The following KICS2 variants were observed in gnomAD, a reference collection of about 807,000 sequenced individuals.
KICS2 encodes the protein KICSTOR complex protein C12orf66.
In KICS2, 13 loss-of-function variants were observed where a neutral mutation model predicts 31.4. The observed-to-expected ratio is 0.41, with a 90% CI of 0.27 to 0.66. The LOEUF (loss-of-function observed/expected upper bound fraction) is 0.66, where lower values mean the gene tolerates loss of function less well. Among genes scored for constraint, KICS2 ranks in the 30% least tolerant of loss-of-function variants. The pLI is 0.28. For missense variants in KICS2, 455 were observed against 545.4 expected, an observed-to-expected ratio of 0.83 and a Z score of 1.65; for synonymous variants, 209 against 214.8, an observed-to-expected ratio of 0.97 and a Z score of 0.24.
chr12:64,214,616 A>G (rs2037611369), intron 2 of KICS2, among the ~76,000 whole-genome samples: 1 of 152,202 alleles, frequency 6.6e-6, no homozygotes, highest in African/African-American at 2.4e-5. Flanking sequence ...ATGGTGGCTC[A>G]TACCTGTAAT....
Position 64,193,005 on chromosome 12 carries a change from A to C in KICS2, c.*837T>G, listed in dbSNP as rs1192534780. 1.0e-6 allele frequency: 1 copy of C among 985,366 alleles called. No individual in the cohort carries two copies. The highest frequency in any genetic ancestry group is 1.2e-6 in the Non-Finnish European group (1 of 829,954). 61.0% of individuals were successfully genotyped at this position (985,366 alleles called of 1,614,324 possible). On this transcript the variant is annotated 3_prime_UTR_variant, in exon 3 of 3. Coordinates refer to ENST00000398055, the MANE Select transcript of KICS2 (RefSeq NM_152440.5). ...AACCGACTGCATGCTTTTAAGCCTA[A>C]AAATAACCAAGGAGTAGAGCCAAAC...
At position 64,193,324 on chromosome 12, in the gene KICS2, G is replaced by A. The variant is rs2037399446; in HGVS notation, c.*518C>T. 1 of 985,348 alleles carries A rather than the reference G, an allele frequency of 1.0e-6. No individual in the cohort carries two copies. The highest frequency in any genetic ancestry group is 1.2e-6 in the Non-Finnish European group (1 of 830,046). The allele number at this position is 985,348 out of a possible 1,614,324, so 61.0% of individuals were successfully genotyped here. On this transcript the variant is annotated 3_prime_UTR_variant, in exon 3 of 3. Transcript: ENST00000398055. ...ATTTCTTACCAAGACCCTAATTTTG[G>A]CATCAAAAATGTTAATTTGTAGATC...
Position 64,191,809 on chromosome 12 carries a change from A to T in KICS2, c.*2033T>A, listed in dbSNP as rs2037380616. ...AAGAAAGGAGGCCAGGTGCAGTGGC[A>T]CATGCTTATAAACCCAGTGCTTTGG... On this transcript the variant is annotated 3_prime_UTR_variant, in exon 3 of 3. Coordinates refer to ENST00000398055, the MANE Select transcript of KICS2 (RefSeq NM_152440.5). The T allele has an allele frequency of 6.6e-6, 1 of 152,142 alleles. No homozygotes were observed. Among genetic ancestry groups the T allele is most frequent in the African/African-American group, 2.4e-5 (1 of 41,436 alleles). 9.4% of individuals were successfully genotyped at this position (152,142 alleles called of 1,614,324 possible).
intron 1 of KICS2, among the ~76,000 whole-genome samples, chr12:64,217,467 A>AG (rs1755189760): frequency 6.6e-6 from 1 of 151,542 alleles, no homozygotes; most frequent in African/African-American, 2.4e-5. Flanking sequence ...ATAGCTGATG[A>AG]GGAAAAAAAA....
chr12:64,215,475 T>C (rs1039255802), intron 2 of KICS2, among the ~76,000 whole-genome samples: 1 of 152,214 alleles, frequency 6.6e-6, no homozygotes. Context: ...TGCTATTGCT[T>C]AGCAGCCGTG....
chr12:64,189,275 G>C (rs1023498127), downstream of KICS2, among the ~76,000 whole-genome samples: 2 of 152,198 alleles, frequency 1.3e-5, no homozygotes, highest in African/African-American at 2.4e-5. Context: ...TCTCTTTGTA[G>C]ATGTATTCTG....
At chr12:64,188,648 AAG>A (rs1385575557), downstream of KICS2, among the ~76,000 whole-genome samples, 1 of 152,120 alleles carries the variant, frequency 6.6e-6, no homozygotes, top group Non-Finnish European at 1.5e-5. Flanking sequence ...AACAGTAATT[AAG>A]AGAGAAAATT....
At chr12:64,220,661 C>T (rs567225711) in intron 1 of KICS2, among the ~76,000 whole-genome samples, 9 of 152,062 alleles carry the variant, frequency 5.9e-5, no homozygotes, top group African/African-American at 1.7e-4. Flanking sequence ...CTAGAATCCA[C>T]CCCATTTTCA....
intron 2 of KICS2, among the ~76,000 whole-genome samples, chr12:64,212,552 C>A (rs552013369): frequency 6.6e-6 from 1 of 152,144 alleles, no homozygotes; most frequent in African/African-American, 2.4e-5. Context: ...TATGGATATA[C>A]CACATTTATT....
In KICS2 at chr12:64,212,085, T is replaced by C. The variant is rs1263869200; in HGVS notation, c.521+3593A>G. ...GAGATAAGGCAAATGTGGCAAAATG[T>C]TAACAATTTGTGAATAAAGGTGAAG... On this transcript the variant is annotated intron_variant, in intron 2 of 2. Transcript: ENST00000398055. 2.0e-5 allele frequency among the ~76,000 whole-genome samples: 3 copies of C among 152,338 alleles called. No homozygotes were observed. In the East Asian group the frequency reaches 5.8e-4, roughly 29 times the overall value.
chr12:64,208,175 A>AT (rs2037556261), intron 2 of KICS2, among the ~76,000 whole-genome samples: 1 of 152,038 alleles, frequency 6.6e-6, no homozygotes, highest in Non-Finnish European at 1.5e-5. Flanking sequence ...ACAGCTGTCG[A>AT]TTTTTGTATT....
intron 2 of KICS2, among the ~76,000 whole-genome samples, chr12:64,213,692 C>T (rs2037603625): frequency 6.6e-6 from 1 of 152,108 alleles, no homozygotes; most frequent in Non-Finnish European, 1.5e-5. Context: ...TCTGGCCTTT[C>T]GTCTGAACTC....
intron 2 of KICS2, among the ~76,000 whole-genome samples, chr12:64,215,473 C>A (rs2037619300): frequency 6.6e-6 from 1 of 152,112 alleles, no homozygotes; most frequent in Admixed American, 6.5e-5. Context: ...TTTGCTATTG[C>A]TTAGCAGCCG....
intron 2 of KICS2, among the ~76,000 whole-genome samples, chr12:64,196,871 G>C (rs536646530): frequency 4.0e-5 from 6 of 150,638 alleles, no homozygotes; most frequent in Non-Finnish European, 8.8e-5. Flanking sequence ...TGAAATGAAT[G>C]AAATGAAGCG....
In KICS2 at chr12:64,193,188, A is replaced by AC. The variant is rs745895749; in HGVS notation, c.*653dup. 2.1e-5 allele frequency: 21 copies of AC among 985,398 alleles called. No individual in the cohort carries two copies. Among genetic ancestry groups the AC allele is most frequent in the Non-Finnish European group, 2.5e-5 (21 of 830,028 alleles). 61.0% of individuals were successfully genotyped at this position (985,398 alleles called of 1,614,324 possible). On this transcript the variant is annotated 3_prime_UTR_variant, in exon 3 of 3. Coordinates refer to ENST00000398055, the MANE Select transcript of KICS2 (RefSeq NM_152440.5). ...ACAAATGCAGTTAGGTGTGTACATTACCCCAAAAGAACCCATGGCTATTAA... is the reference window on the plus strand; with the variant it reads ...ACAAATGCAGTTAGGTGTGTACATTACCCCCAAAAGAACCCATGGCTATTAA...
intron 2 of KICS2, among the ~76,000 whole-genome samples, chr12:64,201,605 T>TAAAAAAAAAAAAGAAAAA: frequency 8.6e-6 from 1 of 115,646 alleles, no homozygotes; most frequent in Non-Finnish European, 1.7e-5. Context: ...TAAAGTATAA[T>TAAAAAAAAAAAAGAAAAA]AAAAAAAAAA....
downstream of KICS2, among the ~76,000 whole-genome samples, chr12:64,189,670 A>AAC (rs567956705): frequency 2.4e-3 from 368 of 151,334 alleles, 2 homozygotes; most frequent in African/African-American, 7.2e-3. Context: ...GAACATGGAA[A>AAC]ACACACACAC....
At chr12:64,187,390 A>G (rs913609147), downstream of KICS2, 4 of 526,550 alleles carry the variant, frequency 7.6e-6, no homozygotes, top group Admixed American at 7.1e-5. Flanking sequence ...GCATCTCTCC[A>G]TTTTCTAGTG....
At chr12:64,208,288 C>T (rs1043807017) in intron 2 of KICS2, among the ~76,000 whole-genome samples, 1 of 152,216 alleles carries the variant, frequency 6.6e-6, no homozygotes, top group Non-Finnish European at 1.5e-5. Context: ...GGATTACACG[C>T]ATTAGACACT....
Sources: gnomAD v4.1 joint callset for allele counts (sites outside exome capture counted in the v4.1 genomes callset) on GRCh38, gnomAD v4.1.1 for gene constraint, MANE v1.5 for transcripts, NCBI Gene and HGNC (gene_info 2026-07-23, HGNC 2026-07-21) for gene names.